Variants in RANBP17 observed in about 807,000 individuals in gnomAD.
The protein encoded by RANBP17 is RAN binding protein 17, also known as ran-binding protein 17.
Under a neutral mutation model 141.2 loss-of-function variants are expected in RANBP17, and 158 were observed. The ratio of observed to expected loss-of-function variants is 1.12; its 90% confidence interval spans 0.98 to 1.28. The LOEUF is 1.28. Ranked by LOEUF, RANBP17 falls within the 50% of genes most tolerant of loss-of-function variation. The pLI, the probability that RANBP17 is intolerant of heterozygous loss-of-function variation, is 0.00. For synonymous variants in RANBP17, 430 were observed against 450.0 expected (o/e 0.96, Z 0.56); for missense variants, 1,438 against 1,290.7 (o/e 1.11, Z -1.75).
At chr5:171,167,217 G>A (rs75742457) in intron 14 of RANBP17, among the ~76,000 whole-genome samples, 7,976 of 152,082 alleles carry the variant, frequency 0.052, 261 homozygotes, top group East Asian at 0.12. Context: ...CCAGGGACAC[G>A]GTAGGAAAAC....
At chr5:171,048,547 A>T (rs943333961) in intron 14 of RANBP17, among the ~76,000 whole-genome samples, 4 of 151,950 alleles carry the variant, frequency 2.6e-5, no homozygotes, top group African/African-American at 9.7e-5. Flanking sequence ...TGTGTGTCAC[A>T]TGGGTTTGGT....
chr5:171,082,584 T>G (rs1457694), intron 14 of RANBP17, among the ~76,000 whole-genome samples: 104,487 of 151,980 alleles, frequency 0.69, 36,100 homozygotes, highest in South Asian at 0.89. Context: ...AAATCAGGAA[T>G]CCTCTGTTCT....
chr5:171,187,067 G>A (rs899466260), intron 18 of RANBP17, among the ~76,000 whole-genome samples: 7 of 151,996 alleles, frequency 4.6e-5, no homozygotes, highest in Non-Finnish European at 1.0e-4. Context: ...TTCCTTTCAC[G>A]TGAATACTTG....
At position 171,127,427 on chromosome 5, in the gene RANBP17, G is replaced by A. The variant is rs1378968720; in HGVS notation, c.1711-42703G>A. Among the ~76,000 whole-genome samples the A allele has an allele frequency of 3.9e-5, 6 of 152,086 alleles. No homozygotes were observed. The East Asian group carries it at 9.6e-4, about 24-fold the overall frequency. On this transcript the variant is annotated intron_variant, in intron 14 of 27. Transcript: ENST00000523189. Reference sequence around the variant, plus strand: ...AACTGGAACAAGACAAAGAAGAGACGACCTGCAGAATGGGAGAAAATATTT... The same window carrying A: ...AACTGGAACAAGACAAAGAAGAGACAACCTGCAGAATGGGAGAAAATATTT...
At position 171,098,864 on chromosome 5, in the gene RANBP17, T is replaced by C. The variant is rs368873707; in HGVS notation, c.1711-71266T>C. Among the ~76,000 whole-genome samples the C allele has an allele frequency of 5.4e-4, 82 of 151,532 alleles. 1 individual carries two copies. In the South Asian group the frequency reaches 0.017, roughly 31 times the overall value. On this transcript the variant is annotated intron_variant, in intron 14 of 27. Transcript: ENST00000523189. ...TTCAGTTTTCTGCAACCCCGTTTCT[T>C]AAATAGGGAATTCTTTCCCCATTGC...
chr5:170,925,027 A>G (rs1427563421), intron 12 of RANBP17: 1 of 152,134 alleles, frequency 6.6e-6, no homozygotes, highest in Non-Finnish European at 1.5e-5. Flanking sequence ...CGGAGGAGGT[A>G]TTTATTTCTG....
At chr5:171,157,335 GTT>G (rs1230926711) in intron 14 of RANBP17, among the ~76,000 whole-genome samples, 3 of 152,118 alleles carry the variant, frequency 2.0e-5, no homozygotes, top group Non-Finnish European at 2.9e-5. Flanking sequence ...ATTTCAGTAA[GTT>G]TTACACCCGG....
At chr5:171,099,634 A>G (rs145327882) in intron 14 of RANBP17, among the ~76,000 whole-genome samples, 7,022 of 152,234 alleles carry the variant, frequency 0.046, 202 homozygotes, top group East Asian at 0.12. Context: ...AACTTCCAAC[A>G]CTGTGTTGAG....
chr5:171,154,720 G>C (rs549590850), intron 14 of RANBP17, among the ~76,000 whole-genome samples: 1 of 152,210 alleles, frequency 6.6e-6, no homozygotes, highest in Admixed American at 6.5e-5. Flanking sequence ...CAGGAAGTTG[G>C]GGAAACCATT....
At chr5:171,050,330 C>T (rs1782874699) in intron 14 of RANBP17, among the ~76,000 whole-genome samples, 1 of 152,096 alleles carries the variant, frequency 6.6e-6, no homozygotes, top group African/African-American at 2.4e-5. Context: ...TAATATTTTA[C>T]CATTTAAAGT....
chr5:170,957,539 C>G (rs934806538), intron 13 of RANBP17, among the ~76,000 whole-genome samples: 1 of 152,168 alleles, frequency 6.6e-6, no homozygotes, highest in African/African-American at 2.4e-5. Context: ...TTTTGTGTTG[C>G]ACTTTCCCAA....
intron 25 of RANBP17, among the ~76,000 whole-genome samples, chr5:171,267,804 A>AAAAAAG (rs1433779354): frequency 6.6e-6 from 1 of 152,174 alleles, no homozygotes; most frequent in Non-Finnish European, 1.5e-5. Context: ...CATCTCAAAA[A>AAAAAAG]AAAAAGAAAA....
intron 22 of RANBP17, among the ~76,000 whole-genome samples, chr5:171,229,151 G>T (rs1365587151): frequency 6.6e-6 from 1 of 152,210 alleles, no homozygotes. Context: ...AGAATAGATT[G>T]TCCAGGAACT....
chr5:170,914,783 T>A (rs1161643427), intron 8 of RANBP17, among the ~76,000 whole-genome samples: 1 of 152,134 alleles, frequency 6.6e-6, no homozygotes, highest in African/African-American at 2.4e-5. Flanking sequence ...ACTCTGTAGT[T>A]GTATACAACT....
chr5:171,259,930 G>A (rs1766176464), intron 24 of RANBP17, among the ~76,000 whole-genome samples: 1 of 152,026 alleles, frequency 6.6e-6, no homozygotes, highest in Non-Finnish European at 1.5e-5. Flanking sequence ...GCGACAAACC[G>A]AGATTGCGCC....
At chr5:171,002,284 G>A (rs942418998) in intron 14 of RANBP17, among the ~76,000 whole-genome samples, 3 of 152,006 alleles carry the variant, frequency 2.0e-5, no homozygotes, top group Non-Finnish European at 2.9e-5. Flanking sequence ...TTCGGTGGGA[G>A]AGTAGGTGGG....
rs186261933 is a variant in RANBP17 at position 170,935,771 on chromosome 5, G to A, written c.1468+11221G>A. Among the ~76,000 whole-genome samples the A allele has an allele frequency of 7.9e-5, 12 of 152,296 alleles. No homozygotes were observed. The East Asian group carries it at 1.2e-3, about 15-fold the overall frequency. ...ACCCACTTGAGGAGGCAGTCGGTCC[G>A]TTCTCAGATCTCACACTCCATGCTG... On this transcript the variant is annotated intron_variant, in intron 12 of 27. Transcript: ENST00000523189.
intron 14 of RANBP17, among the ~76,000 whole-genome samples, chr5:171,086,707 G>C (rs1332343296): frequency 2.2e-3 from 329 of 149,918 alleles, no homozygotes; most frequent in African/African-American, 7.1e-3. Context: ...TGTATGTGTC[G>C]AGGAATTTAT....
intron 14 of RANBP17, among the ~76,000 whole-genome samples, chr5:171,158,742 T>C (rs1297900597): frequency 6.6e-6 from 1 of 152,184 alleles, no homozygotes; most frequent in Admixed American, 6.5e-5. Context: ...AGAAATGTTT[T>C]CATGCTTGTT....
Sources: allele counts gnomAD v4.1 joint callset (sites outside exome capture counted in the v4.1 genomes callset), GRCh38; gene constraint gnomAD v4.1.1; transcripts MANE v1.5; gene names NCBI Gene and HGNC (gene_info 2026-07-23, HGNC 2026-07-21).